LHFPL3: variants seen among roughly 807,000 people sequenced by gnomAD.
LHFPL3 encodes LHFPL tetraspan subfamily member 3 protein.
Under a neutral mutation model 19.3 loss-of-function variants are expected in LHFPL3, and 5 were observed. The ratio of observed to expected loss-of-function variants is 0.26; its 90% CI spans 0.14 to 0.54. The LOEUF is 0.54. LHFPL3 is among the 20% of genes least tolerant of loss of function. The pLI is 0.94. For synonymous variants in LHFPL3, 133 were observed against 126.2 expected, an observed-to-expected ratio of 1.05 and a Z score of -0.36; for missense variants, 249 against 307.4, an observed-to-expected ratio of 0.81 and a Z score of 1.42.
intron 1 of LHFPL3, among the ~76,000 whole-genome samples, chr7:104,398,801 G>T (rs1791248173): frequency 6.6e-6 from 1 of 151,662 alleles, no homozygotes. Flanking sequence ...TTCGCTGGCA[G>T]ATTTCTGTTG....
chr7:104,563,700 C>T (rs1388369179), intron 1 of LHFPL3, among the ~76,000 whole-genome samples: 1 of 152,220 alleles, frequency 6.6e-6, no homozygotes. Flanking sequence ...GCCATCTTGG[C>T]TCCTCCGGAG....
chr7:104,452,133 A>G (rs781313177), intron 1 of LHFPL3, among the ~76,000 whole-genome samples: 4 of 152,188 alleles, frequency 2.6e-5, no homozygotes, highest in East Asian at 1.9e-4. Context: ...CACTGCTAAC[A>G]TTTGGTATTC....
intron 2 of LHFPL3, among the ~76,000 whole-genome samples, chr7:104,746,380 C>G (rs942593972): frequency 6.6e-6 from 1 of 152,010 alleles, no homozygotes; most frequent in African/African-American, 2.4e-5. Context: ...TGAAGTAGAT[C>G]TAGGAATGAA....
chr7:104,412,835 C>T (rs1791556903), intron 1 of LHFPL3, among the ~76,000 whole-genome samples: 1 of 152,066 alleles, frequency 6.6e-6, no homozygotes, highest in African/African-American at 2.4e-5. Context: ...CCTAGATAGA[C>T]CAGATACATC....
chr7:104,641,189 C>T (rs1318930695), intron 1 of LHFPL3, among the ~76,000 whole-genome samples: 2 of 152,180 alleles, frequency 1.3e-5, no homozygotes, highest in African/African-American at 2.4e-5. Context: ...TTGAAAACAA[C>T]CAAAAGTAAT....
chr7:104,497,903 G>A (rs1302614230), intron 1 of LHFPL3, among the ~76,000 whole-genome samples: 1 of 142,492 alleles, frequency 7.0e-6, no homozygotes, highest in African/African-American at 2.7e-5. Context: ...TTTGTAGACT[G>A]ATGCAAGTGA....
At chr7:104,404,934 T>A (rs537339071) in intron 1 of LHFPL3, among the ~76,000 whole-genome samples, 1 of 152,312 alleles carries the variant, frequency 6.6e-6, no homozygotes, top group South Asian at 2.1e-4. Flanking sequence ...AGGTAAAAAT[T>A]AGGTTCTCCA....
intron 2 of LHFPL3, among the ~76,000 whole-genome samples, chr7:104,759,458 A>C (rs1794338876): frequency 6.6e-6 from 1 of 152,190 alleles, no homozygotes. Context: ...CAATATAAAA[A>C]ATTATAAATT....
intron 2 of LHFPL3, among the ~76,000 whole-genome samples, chr7:104,819,377 GAA>G (rs34477587): frequency 0.19 from 23,583 of 125,778 alleles, 2,101 homozygotes; most frequent in East Asian, 0.36. Context: ...TTTAGATCTG[GAA>G]AAAAAAAAAA....
intron 1 of LHFPL3, among the ~76,000 whole-genome samples, chr7:104,610,091 G>A (rs896281191): frequency 1.3e-5 from 2 of 152,050 alleles, no homozygotes; most frequent in African/African-American, 2.4e-5. Context: ...ATCTAGTATT[G>A]ATCCCAGTTG....
At chr7:104,721,078 C>T (rs533899506) in intron 1 of LHFPL3, among the ~76,000 whole-genome samples, 1 of 152,144 alleles carries the variant, frequency 6.6e-6, no homozygotes, top group Non-Finnish European at 1.5e-5. Context: ...ACTATAAAGA[C>T]ACATGCACAT....
rs1296881530 is a variant in LHFPL3, at chr7:104,611,778, A to G, written c.446-124897A>G. On this transcript the variant is annotated intron_variant, in intron 1 of 2. Coordinates refer to ENST00000424859, the MANE Select transcript of LHFPL3 (RefSeq NM_199000.3). ...ACACAAGTTTCTATGTAGGGACAAT[A>G]GAATTAAGAGTAGTTACAACTATAT... 2.0e-5 allele frequency among the ~76,000 whole-genome samples: 3 copies of G among 152,206 alleles called. No homozygotes were observed. In the East Asian group the frequency reaches 5.8e-4, roughly 29 times the overall value.
At chr7:104,772,987 G>A (rs1794578906) in intron 2 of LHFPL3, among the ~76,000 whole-genome samples, 2 of 152,266 alleles carry the variant, frequency 1.3e-5, no homozygotes, top group African/African-American at 2.4e-5. Flanking sequence ...ACAAAGAGAA[G>A]CTGAGGCAGG....
At chr7:104,887,711 C>T (rs1792174660) in intron 2 of LHFPL3, among the ~76,000 whole-genome samples, 1 of 152,242 alleles carries the variant, frequency 6.6e-6, no homozygotes, top group South Asian at 2.1e-4. Flanking sequence ...ACAGCCTCTA[C>T]TACAAGTACT....
intron 1 of LHFPL3, among the ~76,000 whole-genome samples, chr7:104,526,001 C>A (rs1353781802): frequency 1.3e-5 from 2 of 152,074 alleles, no homozygotes; most frequent in Non-Finnish European, 2.9e-5. Flanking sequence ...GCTGGAAGAG[C>A]CTTGTTCCCT....
chr7:104,370,926 T>G (rs1790601671), intron 1 of LHFPL3, among the ~76,000 whole-genome samples: 1 of 152,346 alleles, frequency 6.6e-6, no homozygotes, highest in Admixed American at 6.5e-5. Context: ...TTATGTAACT[T>G]TCTTAAGCTA....
At chr7:104,620,553 C>A (rs1791425627) in intron 1 of LHFPL3, among the ~76,000 whole-genome samples, 1 of 152,208 alleles carries the variant, frequency 6.6e-6, no homozygotes, top group Non-Finnish European at 1.5e-5. Context: ...CCAGGTACTT[C>A]TTACTAGTTT....
At chr7:104,713,437 G>T (rs149419953) in intron 1 of LHFPL3, among the ~76,000 whole-genome samples, 2 of 152,170 alleles carry the variant, frequency 1.3e-5, no homozygotes, top group South Asian at 4.1e-4. Flanking sequence ...AAGGCAAAGC[G>T]GAAAAAGGCA....
chr7:104,706,564 A>T (rs1793193943), intron 1 of LHFPL3, among the ~76,000 whole-genome samples: 1 of 152,242 alleles, frequency 6.6e-6, no homozygotes, highest in African/African-American at 2.4e-5. Context: ...AGTTCAGTAA[A>T]GATTGCATCT....
Sources: allele counts gnomAD v4.1 joint callset (sites outside exome capture counted in the v4.1 genomes callset), GRCh38; gene constraint gnomAD v4.1.1; transcripts MANE v1.5; gene names NCBI Gene and HGNC (gene_info 2026-07-23, HGNC 2026-07-21).